Variants in CCDC175 observed in about 807,000 individuals in gnomAD.
The protein encoded by CCDC175 is coiled-coil domain containing 175, also known as coiled-coil domain-containing protein 175.
CCDC175 carries 100 observed loss-of-function variants against 114.6 expected under a neutral mutation model. That is an observed-to-expected ratio of 0.87 (90% CI 0.74 to 1.03). CCDC175 has a LOEUF of 1.03. Ranked by LOEUF, CCDC175 falls within the 50% of genes least tolerant of loss-of-function variation. The pLI is 0.00. For missense variants in CCDC175, 880 were observed against 917.8 expected, an observed-to-expected ratio of 0.96 and a Z score of 0.53; for synonymous variants, 306 against 308.7, an observed-to-expected ratio of 0.99 and a Z score of 0.09.
intron 11 of CCDC175, 41 bp downstream of exon 11, chr14:59,540,634 A>G: frequency 6.6e-7 from 1 of 1,511,012 alleles, no homozygotes; most frequent in Non-Finnish European, 8.8e-7. Flanking sequence ...CTGATAACAC[A>G]AAACACAAAT....
At chr14:59,557,164 C>A (rs956562443) in intron 7 of CCDC175, among the ~76,000 whole-genome samples, 3 of 152,120 alleles carry the variant, frequency 2.0e-5, no homozygotes, top group African/African-American at 7.2e-5. Context: ...GACACACGCA[C>A]ACGTATGTTT....
rs1006380086 is a variant in CCDC175, at chr14:59,548,538, C to A, written c.1035+2817G>T. On this transcript the variant is annotated intron_variant, in intron 8 of 19. Transcript: ENST00000537690. ...AAACTCTTTGACCAAGTAAGCCATG[C>A]CAGTTTAGGGGTCCTAGACTGTTCA... is the stretch of plus-strand genomic sequence containing the variant. Among the ~76,000 whole-genome samples, 13 of 152,162 alleles carry A rather than the reference C, an allele frequency of 8.5e-5. No homozygotes were observed. In the South Asian group the frequency reaches 1.0e-3, roughly 12 times the overall value.
chr14:59,520,742 G>A (rs927081783), intron 17 of CCDC175, among the ~76,000 whole-genome samples: 27 of 152,144 alleles, frequency 1.8e-4, no homozygotes, highest in Admixed American at 1.6e-3. Context: ...AGTGAAAGAA[G>A]CCAGGTATAA....
intron 15 of CCDC175, among the ~76,000 whole-genome samples, chr14:59,525,806 A>G (rs1038098364): frequency 8.0e-5 from 12 of 150,926 alleles, no homozygotes; most frequent in African/African-American, 3.0e-4. Flanking sequence ...ACAGTATGAC[A>G]ACTACTAACA....
At chr14:59,515,065 T>A (rs1301406433) in intron 17 of CCDC175, among the ~76,000 whole-genome samples, 1 of 152,132 alleles carries the variant, frequency 6.6e-6, no homozygotes, top group Non-Finnish European at 1.5e-5. Context: ...CCAGCCAAAC[T>A]AAGCTTCATA....
intron 17 of CCDC175, among the ~76,000 whole-genome samples, chr14:59,520,312 T>TA (rs147314047): frequency 0.012 from 1,849 of 152,330 alleles, 29 homozygotes; most frequent in African/African-American, 0.043. Context: ...TTCACCATTT[T>TA]AAGTGTTGAT....
rs772886897 is a variant in CCDC175 at position 59,545,144 on chromosome 14, C to T, written c.1172+19G>A. Reference sequence around the variant, plus strand: ...CATAATGATGGCATGTTGAATCACACGTGTGGGTAAAGACATACTCATCAT... The same window carrying T: ...CATAATGATGGCATGTTGAATCACATGTGTGGGTAAAGACATACTCATCAT... On this transcript the variant is annotated intron_variant, in intron 9 of 19. Coordinates refer to ENST00000537690, the MANE Select transcript of CCDC175 (RefSeq NM_001164399.2). 49 of 1,531,630 alleles carry T rather than the reference C, an allele frequency of 3.2e-5. No homozygotes were observed. The highest frequency in any genetic ancestry group is 3.6e-5 in the Non-Finnish European group (41 of 1,144,470). 94.9% of individuals were successfully genotyped at this position (1,531,630 alleles called of 1,614,324 possible). A position where few individuals can be genotyped will look rare whatever the true frequency, so the allele number is the denominator to read the frequency against.
intron 7 of CCDC175, among the ~76,000 whole-genome samples, chr14:59,556,304 C>A (rs776908978): frequency 2.0e-5 from 3 of 152,132 alleles, no homozygotes; most frequent in Non-Finnish European, 4.4e-5. Context: ...AGAAATAATA[C>A]TACACATCTA....
intron 4 of CCDC175, among the ~76,000 whole-genome samples, chr14:59,565,860 G>C (rs1896508736): frequency 6.6e-6 from 1 of 152,146 alleles, no homozygotes; most frequent in Non-Finnish European, 1.5e-5. Context: ...TTGGGTTAAA[G>C]TATACAATGA....
chr14:59,531,668 T>G, intron 14 of CCDC175, 104 bp downstream of exon 14: 4 of 791,686 alleles, frequency 5.1e-6, no homozygotes, highest in Non-Finnish European at 7.5e-6. Context: ...GAAAGTTTGG[T>G]GAGTTTCACC....
At chr14:59,514,804 A>G (rs866532139) in intron 17 of CCDC175, among the ~76,000 whole-genome samples, 6 of 152,190 alleles carry the variant, frequency 3.9e-5, no homozygotes, top group African/African-American at 9.7e-5. Context: ...CAAATTCAGG[A>G]AATACAGAGA....
At chr14:59,524,499 A>G (rs1185304573) in intron 16 of CCDC175, among the ~76,000 whole-genome samples, 1 of 152,216 alleles carries the variant, frequency 6.6e-6, no homozygotes. Flanking sequence ...AGGTGCTTCA[A>G]CAGTGATCAG....
At chr14:59,543,897 A>G (rs541660316) in intron 9 of CCDC175, among the ~76,000 whole-genome samples, 1 of 152,304 alleles carries the variant, frequency 6.6e-6, no homozygotes, top group East Asian at 1.9e-4. Flanking sequence ...GTAGTGCTCC[A>G]TGTCTCTGAG....
chr14:59,533,217 G>A (rs1894171110), intron 13 of CCDC175, among the ~76,000 whole-genome samples: 1 of 152,180 alleles, frequency 6.6e-6, no homozygotes, highest in African/African-American at 2.4e-5. Flanking sequence ...AGATTTCAAA[G>A]GGCATACCCA....
Position 59,572,750 on chromosome 14 carries a change from A to G in CCDC175, c.307T>C (p.Tyr103His), listed in dbSNP as rs1442342938. Residue 103 changes from tyrosine to histidine, a missense_variant, in exon 3 of 20, where the codon TAC (tyrosine) becomes CAC (histidine). By Grantham distance (83) the Tyr-to-His change is moderately conservative. Coordinates refer to ENST00000537690, the MANE Select transcript of CCDC175 (RefSeq NM_001164399.2). ...EIESMELNKL[Y>H]YLLETLPNSI... Reference sequence around the variant, plus strand: ...TTGGGAAGAGTTTCCAATAGATAGTATAGTTTGTTGAGTTCCATGCTTTCA... The same window carrying G: ...TTGGGAAGAGTTTCCAATAGATAGTGTAGTTTGTTGAGTTCCATGCTTTCA... The G allele has an allele frequency of 1.3e-6, 2 of 1,521,106 alleles. No homozygotes were observed. 94.2% of individuals were successfully genotyped at this position (1,521,106 alleles called of 1,614,324 possible).
At chr14:59,574,202 T>A (rs1896984658) in intron 2 of CCDC175, among the ~76,000 whole-genome samples, 1 of 152,216 alleles carries the variant, frequency 6.6e-6, no homozygotes, top group African/African-American at 2.4e-5. Flanking sequence ...AAGAGTTTTA[T>A]CAGCAGTCTG....
At chr14:59,513,906 AG>A (rs1294817164) in intron 17 of CCDC175, among the ~76,000 whole-genome samples, 1 of 152,132 alleles carries the variant, frequency 6.6e-6, no homozygotes, top group Non-Finnish European at 1.5e-5. Flanking sequence ...CGTAACTGGG[AG>A]GCACCTCCTA....
At chr14:59,513,446 G>C (rs1892867317) in intron 17 of CCDC175, among the ~76,000 whole-genome samples, 1 of 152,146 alleles carries the variant, frequency 6.6e-6, no homozygotes, top group Admixed American at 6.5e-5. Flanking sequence ...ATGGCACCTG[G>C]AAAATCAAGT....
Position 59,563,783 on chromosome 14 carries a change from T to C in CCDC175, c.797A>G (p.Gln266Arg), listed in dbSNP as rs1406552897. Residue 266 changes from glutamine (Q) to arginine (R), a missense_variant, in exon 6 of 20, where the codon CAA becomes CGA. Gln to Arg is a conservative substitution (Grantham distance 43). Coordinates refer to ENST00000537690, the MANE Select transcript of CCDC175 (RefSeq NM_001164399.2). Reference protein sequence around the residue: ...YQKKKELDKLQTKMSKIKETV... With the variant: ...YQKKKELDKLRTKMSKIKETV... ...TTCTTTTATTTTTGACATTTTAGTT[T>C]GTAATTTATCCAATTCTTTCTTCTT... 12 of 1,438,568 alleles carry C rather than the reference T, an allele frequency of 8.3e-6. No individual in the cohort carries two copies. Among genetic ancestry groups the C allele is most frequent in the Non-Finnish European group, 1.1e-5 (12 of 1,096,198 alleles). The allele number at this position is 1,438,568 out of a possible 1,614,324, so 89.1% of individuals were successfully genotyped here.
Sources: gnomAD v4.1 joint callset for allele counts (sites outside exome capture counted in the v4.1 genomes callset) on GRCh38, gnomAD v4.1.1 for gene constraint, MANE v1.5 for transcripts, NCBI Gene and HGNC (gene_info 2026-07-23, HGNC 2026-07-21) for gene names.